The following REXO5 variants were observed in gnomAD, a reference collection of about 807,000 sequenced individuals.
REXO5 encodes RNA exonuclease 5, also known as exonuclease NEF-sp.
A neutral mutation model predicts 88.5 loss-of-function variants in REXO5; 48 were observed. The ratio of observed to expected loss-of-function variants is 0.54; its 90% confidence interval spans 0.43 to 0.69. The LOEUF is 0.69. REXO5 is among the 30% of genes least tolerant of loss of function. The probability of loss-of-function intolerance (pLI) is 0.00; values close to 1 mark genes in which losing one functional copy is unlikely to be tolerated. For missense variants in REXO5, 749 were observed against 912.2 expected (o/e 0.82, Z 2.30); for synonymous variants, 311 against 336.5 (o/e 0.92, Z 0.83).
At chr16:20,836,118 G>A (rs1018291404) in intron 13 of REXO5, among the ~76,000 whole-genome samples, 8 of 152,090 alleles carry the variant, frequency 5.3e-5, no homozygotes, top group African/African-American at 1.7e-4. Flanking sequence ...TCAACAACCT[G>A]TACCTGGGTA....
Position 20,828,472 on chromosome 16 carries a change from G to A in REXO5, c.1093G>A (p.Ala365Thr), listed in dbSNP as rs1205754052. The A allele has an allele frequency of 1.9e-6, 3 of 1,613,958 alleles. No individual in the cohort carries two copies. The highest frequency in any genetic ancestry group is 2.7e-5 in the African/African-American group (2 of 75,040). Residue 365 changes from alanine to threonine, a missense_variant, in exon 11 of 20, where the codon GCC becomes ACC. Physicochemically the swap from Ala to Thr is moderately conservative, Grantham distance 58 (BLOSUM62 0). Transcript: ENST00000261377. ...IQCPDRLGHD[A>T]TEDARTILEL... ...GTGTCCAGACAGACTTGGTCATGATGCCACAGAAGATGCTAGAACAATCCT... is the reference window on the plus strand; with the variant it reads ...GTGTCCAGACAGACTTGGTCATGATACCACAGAAGATGCTAGAACAATCCT...
intron 6 of REXO5, among the ~76,000 whole-genome samples, chr16:20,823,232 T>A (rs2081211827): frequency 6.6e-6 from 1 of 152,220 alleles, no homozygotes; most frequent in African/African-American, 2.4e-5. Flanking sequence ...TTGGGCTGTA[T>A]TTTATCATGG....
intron 3 of REXO5, 38 bp downstream of exon 3, chr16:20,813,340 G>GTTTATTT: frequency 1.4e-4 from 141 of 977,446 alleles, no homozygotes; most frequent in Middle Eastern, 2.3e-4. Flanking sequence ...TTGACCAGCG[G>GTTTATTT]TTTCTTTTTT....
intron 13 of REXO5, among the ~76,000 whole-genome samples, chr16:20,837,360 G>A (rs2081448461): frequency 6.6e-6 from 1 of 152,070 alleles, no homozygotes; most frequent in African/African-American, 2.4e-5. Flanking sequence ...CAATATTTAG[G>A]TTATAGTTTC....
Position 20,815,052 on chromosome 16 carries a change from A to G in REXO5, c.377A>G (p.His126Arg), listed in dbSNP as rs1334982554. The G allele has an allele frequency of 1.2e-6, 2 of 1,610,482 alleles. No homozygotes were observed. Among genetic ancestry groups the G allele is most frequent in the South Asian group, 1.1e-5 (1 of 90,454 alleles). ...GGATGTCTTCGAAAAGCATTCAGAC[A>G]TGTAAGTTAAGAATACTTTGTACTA... The part of the protein sequence containing the change: ...EFGCLRKAFR[H>R]KFRLPPPSSD... The change falls in exon 4 of 20, where the codon CAT (histidine) becomes CGT (arginine). Residue 126 changes from histidine (H) to arginine (R), a missense_variant and splice_region_variant. By Grantham distance (29) the His-to-Arg change is conservative. Transcript: ENST00000261377.
At position 20,807,665 on chromosome 16, in the gene REXO5, G is replaced by A. The variant is rs185421749; in HGVS notation, c.138+574G>A. Among the ~76,000 whole-genome samples, 1,041 of 150,620 alleles carry A rather than the reference G, an allele frequency of 6.9e-3. 10 individuals carry two copies. The highest frequency in any genetic ancestry group is 0.025 in the African/African-American group (1,015 of 40,988). ...GCCTGTAATCCCAGCAGTTTGGGAG[G>A]CCAAGGCGGGAGCATCATTTGAGGC... On this transcript the variant is annotated intron_variant, in intron 2 of 19. Coordinates refer to ENST00000261377, the MANE Select transcript of REXO5 (RefSeq NM_030941.3).
chr16:20,833,089 A>G lies in REXO5; in HGVS notation c.1349A>G (p.Asn450Ser). The change falls in exon 13 of 20, where the codon AAT (asparagine) becomes AGT (serine). Residue 450 changes from asparagine to serine, a missense_variant. Asn to Ser is a conservative substitution (Grantham distance 46). Coordinates refer to ENST00000261377, the MANE Select transcript of REXO5 (RefSeq NM_030941.3). ...GCTGGTGAACTTCCATCTTCCAGAA[A>G]TTGTCAAACTATTAAGTGTCTTTCA... Reference protein sequence around the residue: ...TDAGELPSSRNCQTIKCLSNK... With the variant: ...TDAGELPSSRSCQTIKCLSNK... 1.9e-6 allele frequency: 3 copies of G among 1,613,604 alleles called. No homozygotes were observed. The highest frequency in any genetic ancestry group is 2.5e-6 in the Non-Finnish European group (3 of 1,179,610).
chr16:20,832,961 G>A, intron 12 of REXO5, 42 bp from the exon 13 acceptor site: 1 of 1,578,378 alleles, frequency 6.3e-7, no homozygotes, highest in Non-Finnish European at 8.6e-7. Flanking sequence ...TCAGGTTCTG[G>A]AAAACTGTTG....
chr16:20,845,277 G>T, intron 18 of REXO5, 36 bp downstream of exon 18: 2 of 1,583,438 alleles, frequency 1.3e-6, no homozygotes, highest in Non-Finnish European at 1.7e-6. Context: ...AAGATGTCAG[G>T]AGAGTCCTGC....
chr16:20,831,034 G>A (rs1328220398), intron 11 of REXO5, among the ~76,000 whole-genome samples: 1 of 107,408 alleles, frequency 9.3e-6, no homozygotes, highest in Non-Finnish European at 1.7e-5. Context: ...TCACTGTGTT[G>A]CCTAAGCTGG....
At position 20,822,036 on chromosome 16, in the gene REXO5, G is replaced by A. The variant is rs2081193364; in HGVS notation, c.616+134G>A. ...TTCTTATTTCATCTTCTATTAATGA[G>A]GAAATATCTTCGGCACAGTGTATCT... On this transcript the variant is annotated intron_variant, in intron 6 of 19. Coordinates refer to ENST00000261377, the MANE Select transcript of REXO5 (RefSeq NM_030941.3). 3 of 890,276 alleles carry A rather than the reference G, an allele frequency of 3.4e-6. No homozygotes were observed. The African/African-American group carries it at 5.1e-5, about 15-fold the overall frequency. The allele number at this position is 890,276 out of a possible 1,614,324, so 55.1% of individuals were successfully genotyped here.
intron 5 of REXO5, among the ~76,000 whole-genome samples, chr16:20,816,494 TTTTG>T (rs544594537): frequency 3.3e-5 from 5 of 151,976 alleles, no homozygotes; most frequent in African/African-American, 9.6e-5. Context: ...CCCCAGCTAA[TTTTG>T]TTTGTTTGTT....
chr16:20,812,831 CTCCTTGT>C (rs2081020721), intron 2 of REXO5, among the ~76,000 whole-genome samples: 2 of 152,214 alleles, frequency 1.3e-5, no homozygotes, highest in Admixed American at 1.3e-4. Flanking sequence ...GGCAGTTAGA[CTCCTTGT>C]TCTCATAGCT....
chr16:20,840,453 TC>T lies in REXO5; in HGVS notation c.1612del (p.Glu539LysfsTer14). ...FGPVQSMTFV[L>X]ETRQPHLCIQ... is the part of the protein sequence containing the mutation. ...GCCCAGTCCAGTCAATGACTTTTGT[TC>T]TTGAAACCCGTCAGGTAAGACCGGA... On this transcript the variant is annotated frameshift_variant, in exon 15 of 20. Transcript: ENST00000261377. LOFTEE classifies it high-confidence loss of function. The T allele has an allele frequency of 6.4e-7, 1 of 1,554,926 alleles. No individual in the cohort carries two copies.
At chr16:20,816,263 T>A in intron 5 of REXO5, 51 bp downstream of exon 5, 1 of 1,422,510 alleles carries the variant, frequency 7.0e-7, no homozygotes, top group Non-Finnish European at 9.8e-7. Flanking sequence ...AAGATACGGA[T>A]ATGATTGTAA....
In REXO5 at chr16:20,808,612, ATTTTTTTT is replaced by A. The variant is rs751042762; in HGVS notation, c.138+1537_138+1544del. Among the ~76,000 whole-genome samples, 5 of 108,412 alleles carry A rather than the reference ATTTTTTTT, an allele frequency of 4.6e-5. No individual in the cohort carries two copies. In the East Asian group the frequency reaches 1.6e-3, roughly 35 times the overall value. The allele number at this position is 108,412 out of a possible 152,430, so 71.1% of individuals were successfully genotyped here. A position where few individuals can be genotyped will look rare whatever the true frequency, so the allele number is the denominator to read the frequency against. ...ATGTGAGAGAGGGATTAGGGATGTG[ATTTTTTTT>A]TTTTTTTTTTTTTTTGAGGTGGAGT... On this transcript the variant is annotated intron_variant, in intron 2 of 19. Transcript: ENST00000261377.
chr16:20,844,711 C>G lies in REXO5; in HGVS notation c.1802C>G (p.Ser601Cys). The G allele has an allele frequency of 3.7e-6, 6 of 1,614,180 alleles. No individual in the cohort carries two copies. The highest frequency in any genetic ancestry group is 5.1e-6 in the Non-Finnish European group (6 of 1,180,032). Residue 601 changes from serine to cysteine, a missense_variant, in exon 17 of 20, where the codon TCT becomes TGT. Physicochemically the swap from Ser to Cys is moderately radical, Grantham distance 112. Coordinates refer to ENST00000261377, the MANE Select transcript of REXO5 (RefSeq NM_030941.3). ...ELEGDSENQG[S>C]IYLSGVSETF... ...GAAGGAGATTCTGAAAACCAAGGCT[C>G]TATATATCTGTCTGGAGTGAGTGAA...
intron 13 of REXO5, 78 bp downstream of exon 13, chr16:20,833,201 A>G (rs767163309): frequency 6.6e-5 from 96 of 1,444,328 alleles, no homozygotes; most frequent in Non-Finnish European, 8.5e-5. Flanking sequence ...TGCCAGTGTC[A>G]AGCTTTTTTT....
intron 2 of REXO5, among the ~76,000 whole-genome samples, chr16:20,812,072 C>T (rs1249219795): frequency 1.3e-5 from 2 of 152,176 alleles, no homozygotes; most frequent in South Asian, 2.1e-4. Flanking sequence ...CAGACCAAAA[C>T]GAAAGTGGTG....
Sources: gnomAD v4.1 joint callset for allele counts (sites outside exome capture counted in the v4.1 genomes callset) on GRCh38, gnomAD v4.1.1 for gene constraint, MANE v1.5 for transcripts, NCBI Gene and HGNC (gene_info 2026-07-23, HGNC 2026-07-21) for gene names.